The following ARMH4 variants were observed in gnomAD, a reference collection of about 807,000 sequenced individuals.
ARMH4 encodes armadillo-like helical domain-containing protein 4.
ARMH4 carries 49 observed loss-of-function variants against 61.9 expected under a neutral mutation model. The observed-to-expected ratio is 0.79, with a 90% CI of 0.63 to 1.00. ARMH4 has a LOEUF of 1.00. Among genes scored for constraint, ARMH4 ranks in the 50% least tolerant of loss-of-function variants. ARMH4 has a pLI of 0.00. For missense variants in ARMH4, 934 were observed against 930.0 expected (o/e 1.00, Z -0.06); for synonymous variants, 368 against 341.5 (o/e 1.08, Z -0.85).
Position 58,077,456 on chromosome 14 carries a change from A to G in ARMH4, c.2089+19268T>C, listed in dbSNP as rs144277017. Among the ~76,000 whole-genome samples, 23 of 152,238 alleles carry G rather than the reference A, an allele frequency of 1.5e-4. 1 individual carries two copies. The highest frequency in any genetic ancestry group is 4.1e-4 in the African/African-American group (17 of 41,546). ...CCATCTCTACAAAAAATACTTTTTT[A>G]ATTAGTCAGGAAGCGTGGTGCACAC... is the stretch of plus-strand genomic sequence containing the variant. On this transcript the variant is annotated intron_variant, in intron 5 of 7. Transcript: ENST00000267485.
In ARMH4 at chr14:58,138,250, G is replaced by T. The variant is rs750946240; in HGVS notation, c.1109C>A (p.Pro370His). ...TEAAQVALGLPEGETHTGTAL... is the reference protein window; with the variant it reads ...TEAAQVALGLHEGETHTGTAL... ...TGTGCCCGTGTGTGTTTCCCCTTCA[G>T]GCAGCCCCAGAGCCACCTGTGCAGC... is the stretch of plus-strand genomic sequence containing the variant. Residue 370 changes from proline to histidine, a missense_variant, in exon 2 of 8, where the codon CCT becomes CAT. Transcript: ENST00000267485. 4.3e-6 allele frequency: 7 copies of T among 1,614,190 alleles called. No homozygotes were observed. In the East Asian group the frequency reaches 1.6e-4, roughly 36 times the overall value.
At chr14:58,120,641 T>C (rs1886694173) in intron 4 of ARMH4, among the ~76,000 whole-genome samples, 2 of 152,128 alleles carry the variant, frequency 1.3e-5, no homozygotes, top group African/African-American at 4.8e-5. Flanking sequence ...AGACCTGGGA[T>C]TGACAGAAAG....
At chr14:58,045,161 A>G (rs1006846069) in intron 5 of ARMH4, among the ~76,000 whole-genome samples, 1 of 152,240 alleles carries the variant, frequency 6.6e-6, no homozygotes, top group African/African-American at 2.4e-5. Context: ...ACACATGCAC[A>G]TGTATGTTGA....
chr14:58,031,246 A>G (rs1883219156), intron 5 of ARMH4, among the ~76,000 whole-genome samples: 1 of 152,222 alleles, frequency 6.6e-6, no homozygotes, highest in Non-Finnish European at 1.5e-5. Flanking sequence ...GACACTAGAA[A>G]TAAAATCTGA....
chr14:58,145,836 T>C (rs1270686133), intron 1 of ARMH4, among the ~76,000 whole-genome samples: 2 of 152,146 alleles, frequency 1.3e-5, no homozygotes, highest in Non-Finnish European at 2.9e-5. Context: ...GCAACAACTA[T>C]ACGTTAAAAG....
chr14:58,119,494 C>T (rs1886647860), intron 4 of ARMH4, among the ~76,000 whole-genome samples: 1 of 152,082 alleles, frequency 6.6e-6, no homozygotes, highest in African/African-American at 2.4e-5. Context: ...AAATTTCTAC[C>T]ACTCACATAT....
chr14:58,144,132 A>G (rs1321034753), intron 1 of ARMH4, among the ~76,000 whole-genome samples: 2 of 152,208 alleles, frequency 1.3e-5, no homozygotes, highest in Non-Finnish European at 1.5e-5. Flanking sequence ...AGGAAATAGC[A>G]TGTGCCACAG....
chr14:58,114,125 C>T (rs917159380), intron 4 of ARMH4, among the ~76,000 whole-genome samples: 3 of 152,034 alleles, frequency 2.0e-5, no homozygotes, highest in Non-Finnish European at 2.9e-5. Flanking sequence ...CTCACATTTG[C>T]TTGGTTCTAA....
chr14:58,130,431 T>A (rs1463034302), intron 4 of ARMH4, among the ~76,000 whole-genome samples: 1 of 152,072 alleles, frequency 6.6e-6, no homozygotes. Flanking sequence ...TAATAGCACA[T>A]CCTATGTCTC....
chr14:58,087,571 A>C (rs1464291360), intron 5 of ARMH4, among the ~76,000 whole-genome samples: 1 of 152,208 alleles, frequency 6.6e-6, no homozygotes, highest in African/African-American at 2.4e-5. Context: ...GGGAATTTGC[A>C]GTGTTCCACA....
rs1887950676 is a variant in ARMH4, at chr14:58,152,069, C to T, written c.-57+6G>A. ...CCCAAGTGGCCGGAGCCGGGCCCGT[C>T]CTCACCTGTGCGCCTTCAGCTGAGC... On this transcript the variant is annotated splice_donor_region_variant and intron_variant, in intron 1 of 7. Transcript: ENST00000267485. 1 of 153,448 alleles carries T rather than the reference C, an allele frequency of 6.5e-6. No individual in the cohort carries two copies. Among genetic ancestry groups the T allele is most frequent in the Non-Finnish European group, 1.5e-5 (1 of 68,486 alleles). 9.5% of individuals were successfully genotyped at this position (153,448 alleles called of 1,614,324 possible).
intron 4 of ARMH4, among the ~76,000 whole-genome samples, chr14:58,099,493 C>G (rs996193472): frequency 1.3e-5 from 2 of 151,974 alleles, no homozygotes; most frequent in Non-Finnish European, 2.9e-5. Context: ...TGGGAGGGCA[C>G]GGGGGACCTT....
intron 5 of ARMH4, among the ~76,000 whole-genome samples, chr14:58,051,969 C>T (rs938837593): frequency 1.1e-4 from 17 of 152,176 alleles, no homozygotes; most frequent in African/African-American, 3.4e-4. Context: ...AAACAACTTT[C>T]AACCTCTCGA....
intron 5 of ARMH4, among the ~76,000 whole-genome samples, chr14:58,093,080 AG>A (rs1441542202): frequency 6.6e-6 from 1 of 152,044 alleles, no homozygotes; most frequent in African/African-American, 2.4e-5. Flanking sequence ...ATGATTTTAT[AG>A]GGGGCTTTTA....
chr14:58,044,451 T>A (rs1883853675), intron 5 of ARMH4, among the ~76,000 whole-genome samples: 1 of 152,152 alleles, frequency 6.6e-6, no homozygotes, highest in African/African-American at 2.4e-5. Context: ...TTACACCTTA[T>A]ACAAAAATTA....
At chr14:58,030,836 G>C (rs1267644540) in intron 5 of ARMH4, among the ~76,000 whole-genome samples, 1 of 152,144 alleles carries the variant, frequency 6.6e-6, no homozygotes, top group Admixed American at 6.5e-5. Flanking sequence ...TTTTATGGAT[G>C]AATAATATTC....
intron 2 of ARMH4, among the ~76,000 whole-genome samples, chr14:58,136,018 T>C (rs1887291069): frequency 6.6e-6 from 1 of 152,196 alleles, no homozygotes. Context: ...AGAAGTTGTT[T>C]GATTGACTTT....
intron 4 of ARMH4, 181 bp downstream of exon 4, chr14:58,131,331 A>T: frequency 2.0e-6 from 1 of 508,790 alleles, no homozygotes; most frequent in Non-Finnish European, 3.5e-6. Flanking sequence ...TGTAAAAACC[A>T]TTCTTAGCTT....
At chr14:58,046,514 A>G (rs1288830704) in intron 5 of ARMH4, among the ~76,000 whole-genome samples, 1 of 152,186 alleles carries the variant, frequency 6.6e-6, no homozygotes, top group East Asian at 1.9e-4. Flanking sequence ...GGAATCCTAA[A>G]ATCCCAGGGC....
Sources: allele counts gnomAD v4.1 joint callset (sites outside exome capture counted in the v4.1 genomes callset), GRCh38; gene constraint gnomAD v4.1.1; transcripts MANE v1.5; gene names NCBI Gene and HGNC (gene_info 2026-07-23, HGNC 2026-07-21).